Variants in RALGPS2 observed in about 807,000 individuals in gnomAD.
RALGPS2 encodes ras-specific guanine nucleotide-releasing factor RalGPS2.
In RALGPS2, 43 loss-of-function variants were observed where a neutral mutation model predicts 86.8. That is an observed-to-expected ratio of 0.50 (90% CI 0.39 to 0.64). The LOEUF (loss-of-function observed/expected upper bound fraction) is 0.64. RALGPS2 is among the 30% of genes least tolerant of loss of function. The pLI is 0.00. For missense variants in RALGPS2, 536 were observed against 694.6 expected, an observed-to-expected ratio of 0.77 and a Z score of 2.57; for synonymous variants, 243 against 231.3, an observed-to-expected ratio of 1.05 and a Z score of -0.46.
intron 1 of RALGPS2, among the ~76,000 whole-genome samples, chr1:178,772,333 C>T (rs1017250999): frequency 4.6e-5 from 7 of 152,106 alleles, no homozygotes; most frequent in Admixed American, 2.0e-4. Context: ...ACCTCATACC[C>T]ACCAAAAACA....
chr1:178,792,838 G>A (rs1437618841), intron 4 of RALGPS2, among the ~76,000 whole-genome samples: 1 of 152,208 alleles, frequency 6.6e-6, no homozygotes, highest in Non-Finnish European at 1.5e-5. Flanking sequence ...TGTAATTACA[G>A]TGATTATAAA....
chr1:178,747,084 G>A, intron 1 of RALGPS2: 1 of 876,652 alleles, frequency 1.1e-6, no homozygotes, highest in Non-Finnish European at 1.9e-6. Context: ...AGACCCATTT[G>A]GAATTTTCTT....
chr1:178,726,791 A>G (rs1450649086), intron 1 of RALGPS2, among the ~76,000 whole-genome samples: 4 of 152,180 alleles, frequency 2.6e-5, no homozygotes, highest in Non-Finnish European at 4.4e-5. Context: ...TCAGAATTTT[A>G]GGAAACTTTT....
At chr1:178,882,331 G>A (rs1356496248) in intron 10 of RALGPS2, among the ~76,000 whole-genome samples, 4 of 152,256 alleles carry the variant, frequency 2.6e-5, no homozygotes, top group Admixed American at 1.3e-4. Context: ...CGTGTCTGCC[G>A]TAATCTCTAT....
intron 18 of RALGPS2, among the ~76,000 whole-genome samples, chr1:178,906,022 GTTTAAGTA>G (rs1245445273): frequency 6.6e-6 from 1 of 152,148 alleles, no homozygotes; most frequent in Non-Finnish European, 1.5e-5. Flanking sequence ...AATAGCTAGT[GTTTAAGTA>G]TTAAACATAT....
At position 178,869,176 on chromosome 1, in the gene RALGPS2, G is replaced by C. The variant is rs1658597427; in HGVS notation, c.608-8322G>C. 4 of 152,036 alleles carry C rather than the reference G, an allele frequency of 2.6e-5. No homozygotes were observed. The South Asian group carries it at 8.3e-4, about 32-fold the overall frequency. 9.4% of individuals were successfully genotyped at this position (152,036 alleles called of 1,614,324 possible). A position where few individuals can be genotyped will look rare whatever the true frequency, so the allele number is the denominator to read the frequency against. On this transcript the variant is annotated intron_variant, in intron 8 of 19. Transcript: ENST00000367635. ...AGAAAAAAAAGTCTTCTATGCGTTG[G>C]GTTAATTTTATTAGTAGCTTTTCTC... is the stretch of plus-strand genomic sequence containing the variant.
intron 7 of RALGPS2, among the ~76,000 whole-genome samples, chr1:178,832,668 G>A (rs1200152597): frequency 6.6e-6 from 1 of 151,492 alleles, no homozygotes; most frequent in East Asian, 1.9e-4. Flanking sequence ...ATGTAGTAAT[G>A]AAATAGAAAC....
chr1:178,742,804 G>C (rs569302485), intron 1 of RALGPS2, among the ~76,000 whole-genome samples: 51 of 152,134 alleles, frequency 3.4e-4, no homozygotes, highest in Non-Finnish European at 6.3e-4. Flanking sequence ...ACAAAATGGG[G>C]GAAAATCTGG....
chr1:178,873,443 G>A (rs1042828052), intron 8 of RALGPS2, among the ~76,000 whole-genome samples: 2 of 152,218 alleles, frequency 1.3e-5, no homozygotes, highest in African/African-American at 2.4e-5. Flanking sequence ...GCAAAATTGA[G>A]ATGGATAATA....
At chr1:178,740,705 T>G (rs1650971251) in intron 1 of RALGPS2, among the ~76,000 whole-genome samples, 1 of 152,098 alleles carries the variant, frequency 6.6e-6, no homozygotes, top group Non-Finnish European at 1.5e-5. Flanking sequence ...GAGTGAAGAT[T>G]CTAGTTTCTG....
At chr1:178,865,589 G>A in intron 8 of RALGPS2, 1 of 1,613,978 alleles carries the variant, frequency 6.2e-7, no homozygotes. Flanking sequence ...GACACAGATT[G>A]GCCCTGTTAT....
intron 1 of RALGPS2, among the ~76,000 whole-genome samples, chr1:178,753,983 C>G (rs1651819798): frequency 1.3e-5 from 2 of 152,054 alleles, no homozygotes; most frequent in Admixed American, 6.5e-5. Context: ...AGGCGCCCGC[C>G]ACCACGCCCG....
chr1:178,913,921 C>T (rs1021140253), intron 19 of RALGPS2, among the ~76,000 whole-genome samples: 1 of 152,204 alleles, frequency 6.6e-6, no homozygotes, highest in Admixed American at 6.5e-5. Flanking sequence ...AAAGCACTTC[C>T]TCAGGGGCCA....
intron 16 of RALGPS2, among the ~76,000 whole-genome samples, chr1:178,897,031 C>A (rs1012518750): frequency 6.6e-6 from 1 of 151,874 alleles, no homozygotes; most frequent in African/African-American, 2.4e-5. Context: ...CCTGAGGAAT[C>A]GCCACACTGA....
chr1:178,823,144 G>T (rs192784873), intron 7 of RALGPS2, among the ~76,000 whole-genome samples: 1 of 152,208 alleles, frequency 6.6e-6, no homozygotes, highest in African/African-American at 2.4e-5. Flanking sequence ...TTATGATTTG[G>T]TTTAGTAATG....
intron 12 of RALGPS2, 121 bp from the exon 13 acceptor site, chr1:178,885,848 T>C (rs1558170953): frequency 1.1e-6 from 1 of 870,556 alleles, no homozygotes; most frequent in Non-Finnish European, 1.7e-6. Context: ...TTTGAGGCTT[T>C]TATGGTAAGA....
At chr1:178,826,725 A>G (rs1343642619) in intron 7 of RALGPS2, among the ~76,000 whole-genome samples, 1 of 152,240 alleles carries the variant, frequency 6.6e-6, no homozygotes, top group East Asian at 1.9e-4. Flanking sequence ...GTTTACTTAA[A>G]GTGGTTGAAT....
intron 2 of RALGPS2, among the ~76,000 whole-genome samples, chr1:178,781,803 A>G (rs1653407197): frequency 6.6e-6 from 1 of 152,204 alleles, no homozygotes; most frequent in Admixed American, 6.5e-5. Context: ...GTCTATTTGA[A>G]TACTTAACAT....
At chr1:178,800,349 T>G (rs550068175) in intron 4 of RALGPS2, among the ~76,000 whole-genome samples, 1 of 152,212 alleles carries the variant, frequency 6.6e-6, no homozygotes, top group Non-Finnish European at 1.5e-5. Flanking sequence ...AGACCTAAAT[T>G]ACATATGTTT....
Sources: allele counts gnomAD v4.1 joint callset (sites outside exome capture counted in the v4.1 genomes callset), GRCh38; gene constraint gnomAD v4.1.1; transcripts MANE v1.5; gene names NCBI Gene and HGNC (gene_info 2026-07-23, HGNC 2026-07-21).